The following RANBP17 variants were observed in gnomAD, a reference collection of about 807,000 sequenced individuals.
The protein encoded by RANBP17 is RAN binding protein 17.
A neutral mutation model predicts 141.2 loss-of-function variants in RANBP17; 158 were observed. That is an observed-to-expected ratio of 1.12 (90% CI 0.98 to 1.28). The LOEUF is 1.28. Ranked by LOEUF, RANBP17 falls within the 50% of genes most tolerant of loss-of-function variation. RANBP17 has a pLI of 0.00. For synonymous variants in RANBP17, 430 were observed against 450.0 expected (o/e 0.96, Z 0.56); for missense variants, 1,438 against 1,290.7 (o/e 1.11, Z -1.75).
At chr5:171,047,074 A>G (rs902888025) in intron 14 of RANBP17, among the ~76,000 whole-genome samples, 36 of 141,606 alleles carry the variant, frequency 2.5e-4, no homozygotes, top group Admixed American at 2.2e-4. Flanking sequence ...CTGGAGTGCA[A>G]TGGCACAGTC....
chr5:171,125,179 C>A (rs1756339750), intron 14 of RANBP17, among the ~76,000 whole-genome samples: 1 of 151,714 alleles, frequency 6.6e-6, no homozygotes, highest in Non-Finnish European at 1.5e-5. Flanking sequence ...TGCCTATAAT[C>A]CCACCTACTC....
chr5:170,934,025 C>T (rs182960527), intron 12 of RANBP17, among the ~76,000 whole-genome samples: 2 of 152,230 alleles, frequency 1.3e-5, no homozygotes, highest in East Asian at 3.9e-4. Context: ...TTTAAAATCT[C>T]CCATTATTAT....
chr5:170,950,381 AC>A (rs757242850), intron 12 of RANBP17, among the ~76,000 whole-genome samples: 42 of 152,018 alleles, frequency 2.8e-4, no homozygotes, highest in Non-Finnish European at 5.2e-4. Flanking sequence ...AGTAAAAAAA[AC>A]AAAAACAAAA....
chr5:171,078,309 C>A (rs1182201820), intron 14 of RANBP17, among the ~76,000 whole-genome samples: 1 of 151,846 alleles, frequency 6.6e-6, no homozygotes, highest in Non-Finnish European at 1.5e-5. Flanking sequence ...ATTACAGGCA[C>A]CTGCCACCAC....
intron 21 of RANBP17, among the ~76,000 whole-genome samples, chr5:171,221,100 A>C (rs187106679): frequency 3.3e-5 from 5 of 152,308 alleles, no homozygotes; most frequent in Admixed American, 3.3e-4. Flanking sequence ...TAAAAATCAA[A>C]TATGTCAGGA....
intron 14 of RANBP17, among the ~76,000 whole-genome samples, chr5:170,999,837 C>T (rs1032430797): frequency 1.3e-5 from 2 of 152,106 alleles, no homozygotes; most frequent in African/African-American, 4.8e-5. Flanking sequence ...CCATCACCAC[C>T]ATTCATCTCC....
At chr5:171,220,172 C>A (rs1763466097) in intron 21 of RANBP17, among the ~76,000 whole-genome samples, 1 of 152,120 alleles carries the variant, frequency 6.6e-6, no homozygotes, top group Admixed American at 6.6e-5. Context: ...CTGCAGTTTG[C>A]TGGAGGTCCA....
At chr5:170,886,145 A>G (rs1458419917) in intron 3 of RANBP17, among the ~76,000 whole-genome samples, 1 of 152,150 alleles carries the variant, frequency 6.6e-6, no homozygotes, top group Non-Finnish European at 1.5e-5. Context: ...TGTACCGTGT[A>G]TGACCCCTAA....
intron 3 of RANBP17, 53 bp from the exon 4 acceptor site, chr5:170,892,334 C>A: frequency 4.3e-6 from 2 of 467,516 alleles, no homozygotes; most frequent in Non-Finnish European, 7.3e-6. Flanking sequence ...ATATGATTCA[C>A]ACTATGTTGT....
intron 5 of RANBP17, 40 bp downstream of exon 5, chr5:170,896,155 T>C (rs1581081314): frequency 1.5e-6 from 2 of 1,360,438 alleles, no homozygotes; most frequent in East Asian, 4.8e-5. Context: ...CTGAGTTTGC[T>C]TAAGTAATGC....
At chr5:171,083,679 A>C (rs1158206198) in intron 14 of RANBP17, among the ~76,000 whole-genome samples, 1 of 152,166 alleles carries the variant, frequency 6.6e-6, no homozygotes. Flanking sequence ...TCCCCATCCA[A>C]ATCTCATCTT....
At chr5:171,186,483 C>T (rs1481850937) in intron 18 of RANBP17, among the ~76,000 whole-genome samples, 2 of 143,756 alleles carry the variant, frequency 1.4e-5, no homozygotes, top group African/African-American at 5.1e-5. Context: ...CCTTGCTTCA[C>T]ATTAGGCTTT....
intron 3 of RANBP17, among the ~76,000 whole-genome samples, chr5:170,886,758 A>G (rs1247679242): frequency 6.7e-6 from 1 of 149,698 alleles, no homozygotes; most frequent in South Asian, 2.1e-4. Flanking sequence ...CCCGGGCTCA[A>G]GTAGTGATCC....
chr5:170,871,673 T>TC (rs1767737687), intron 1 of RANBP17, among the ~76,000 whole-genome samples: 1 of 152,210 alleles, frequency 6.6e-6, no homozygotes, highest in African/African-American at 2.4e-5. Context: ...AAGTCTTTAA[T>TC]CCATCTTGAG....
chr5:171,062,569 C>G (rs1236214250), intron 14 of RANBP17, among the ~76,000 whole-genome samples: 4 of 152,130 alleles, frequency 2.6e-5, no homozygotes, highest in Non-Finnish European at 5.9e-5. Context: ...GTAACCCAAC[C>G]TTTCTCTCTG....
chr5:171,060,741 C>A (rs1350445256), intron 14 of RANBP17, among the ~76,000 whole-genome samples: 2 of 151,926 alleles, frequency 1.3e-5, no homozygotes, highest in Non-Finnish European at 2.9e-5. Context: ...AGGAATGGTA[C>A]CAGTTCCTCC....
chr5:170,890,022 T>C (rs1028560586), intron 3 of RANBP17, among the ~76,000 whole-genome samples: 12 of 152,180 alleles, frequency 7.9e-5, no homozygotes, highest in African/African-American at 2.9e-4. Context: ...ATGAATTTAT[T>C]AGCCCTAGGT....
intron 14 of RANBP17, among the ~76,000 whole-genome samples, chr5:171,053,718 T>C (rs1160960435): frequency 2.0e-5 from 3 of 151,346 alleles, no homozygotes; most frequent in Non-Finnish European, 2.9e-5. Context: ...CATTTATTTA[T>C]TTGGCCTAAT....
chr5:170,921,135 T>C (rs1174721429), intron 11 of RANBP17, among the ~76,000 whole-genome samples: 2 of 152,208 alleles, frequency 1.3e-5, no homozygotes, highest in African/African-American at 2.4e-5. Context: ...TTGGCCTTGC[T>C]TTTGGTGTTT....
Sources: allele counts gnomAD v4.1 joint callset (sites outside exome capture counted in the v4.1 genomes callset), GRCh38; gene constraint gnomAD v4.1.1; transcripts MANE v1.5; gene names NCBI Gene and HGNC (gene_info 2026-07-23, HGNC 2026-07-21).